ERC2: variants seen among roughly 807,000 people sequenced by gnomAD.
The protein encoded by ERC2 is ELKS/RAB6-interacting/CAST family member 2.
Under a neutral mutation model 114.8 loss-of-function variants are expected in ERC2, and 42 were observed. The ratio of observed to expected loss-of-function variants is 0.37; its 90% CI spans 0.29 to 0.47. The LOEUF (loss-of-function observed/expected upper bound fraction) is 0.47. Among genes scored for constraint, ERC2 ranks in the 20% least tolerant of loss-of-function variants. ERC2 has a pLI of 0.99. For synonymous variants in ERC2, 454 were observed against 425.5 expected, an observed-to-expected ratio of 1.07 and a Z score of -0.82; for missense variants, 939 against 1,150.7, an observed-to-expected ratio of 0.82 and a Z score of 2.66.
chr3:56,321,005 G>A (rs141963452), intron 2 of ERC2, among the ~76,000 whole-genome samples: 237 of 152,272 alleles, frequency 1.6e-3, no homozygotes, highest in African/African-American at 5.6e-3. Context: ...ATTGCCACAG[G>A]TCGCATGGTG....
chr3:56,134,924 T>TTTTTTGTTTTTGTTTTTG (rs202091525), intron 6 of ERC2, among the ~76,000 whole-genome samples: 5 of 149,010 alleles, frequency 3.4e-5, no homozygotes, highest in Non-Finnish European at 7.4e-5. Context: ...TTTTTTGTTT[T>TTTTTTGTTTTTGTTTTTG]TTTTTGTTTT....
At position 56,149,061 on chromosome 3, in the gene ERC2, A is replaced by G. The variant is rs777139484; in HGVS notation, c.1221T>C (p.Asn407=). Reference sequence around the variant, plus strand: ...CGCGGTCCTCAGTGTTCAGCACACCATTGGCTTTTAACATCTGGATCTCAT... The same window carrying G: ...CGCGGTCCTCAGTGTTCAGCACACCGTTGGCTTTTAACATCTGGATCTCAT... ...LEDEIQMLKA[N]GVLNTEDREE... The change falls in exon 5 of 18, where the codon AAT becomes AAC. Residue 407 remains asparagine, a synonymous_variant. Coordinates refer to ENST00000288221, the MANE Select transcript of ERC2 (RefSeq NM_015576.3). 137 of 1,613,258 alleles carry G rather than the reference A, an allele frequency of 8.5e-5. No individual in the cohort carries two copies. Among genetic ancestry groups the G allele is most frequent in the Non-Finnish European group, 1.1e-4 (131 of 1,179,576 alleles).
chr3:55,893,997 G>A (rs2063731231), intron 13 of ERC2, among the ~76,000 whole-genome samples: 1 of 152,102 alleles, frequency 6.6e-6, no homozygotes, highest in Admixed American at 6.5e-5. Flanking sequence ...TCTTAGTGCT[G>A]AGCCTGGCAA....
chr3:55,568,117 A>C lies in ERC2; in HGVS notation c.*40-56841T>G, dbSNP rs893628901. ...CAGTTGAATCTATATTCTGCTCATT[A>C]CAAGTGTATAGGCCTCACTAGCCAA... On this transcript the variant is annotated intron_variant, in intron 17 of 17. Coordinates refer to ENST00000288221, the MANE Select transcript of ERC2 (RefSeq NM_015576.3). Among the ~76,000 whole-genome samples, 5 of 152,336 alleles carry C rather than the reference A, an allele frequency of 3.3e-5. No individual in the cohort carries two copies. The South Asian group carries it at 6.2e-4, about 19-fold the overall frequency.
intron 14 of ERC2, among the ~76,000 whole-genome samples, chr3:55,866,372 C>T (rs954760426): frequency 2.0e-5 from 3 of 152,116 alleles, no homozygotes; most frequent in African/African-American, 7.2e-5. Context: ...CCCTTACAAG[C>T]CACATTTTGA....
At chr3:55,967,706 G>A (rs1221834365) in intron 12 of ERC2, among the ~76,000 whole-genome samples, 1 of 152,208 alleles carries the variant, frequency 6.6e-6, no homozygotes, top group East Asian at 1.9e-4. Context: ...ATGCAGCAAT[G>A]CTGGAAGGTG....
At chr3:55,787,459 G>A (rs962711630) in intron 14 of ERC2, among the ~76,000 whole-genome samples, 1 of 152,002 alleles carries the variant, frequency 6.6e-6, no homozygotes, top group Non-Finnish European at 1.5e-5. Flanking sequence ...TACCTAGTAG[G>A]GTTGTTATGA....
chr3:55,955,806 C>A (rs1305159699), intron 12 of ERC2, among the ~76,000 whole-genome samples: 1 of 152,220 alleles, frequency 6.6e-6, no homozygotes, highest in Non-Finnish European at 1.5e-5. Flanking sequence ...CCATGAAAGA[C>A]TATTTCTCAG....
Position 56,171,138 on chromosome 3 carries a change from A to G in ERC2, c.1149+2308T>C, listed in dbSNP as rs72870171. The stretch of plus-strand genomic sequence containing the variant: ...GATGTTTACCCAGGGCTAAAATACA[A>G]CAGGGTCTCAAGTTCCACTCACTAG... On this transcript the variant is annotated intron_variant, in intron 4 of 17. Coordinates refer to ENST00000288221, the MANE Select transcript of ERC2 (RefSeq NM_015576.3). Among the ~76,000 whole-genome samples the G allele has an allele frequency of 2.0e-5, 3 of 152,244 alleles. No individual in the cohort carries two copies. In the East Asian group the frequency reaches 5.8e-4, roughly 29 times the overall value.
At position 55,730,946 on chromosome 3, in the gene ERC2, C is replaced by T. The variant is rs113620820; in HGVS notation, c.2712+3825G>A. ...TGAGCAGGCCAGAAGGGTGGCCTTC[C>T]CCTTTCATTGGCCTGGTCCCTGAAA... On this transcript the variant is annotated intron_variant, in intron 15 of 17. Coordinates refer to ENST00000288221, the MANE Select transcript of ERC2 (RefSeq NM_015576.3). 1.3e-3 allele frequency among the ~76,000 whole-genome samples: 197 copies of T among 152,312 alleles called. 2 individuals carry two copies. Among genetic ancestry groups the T allele is most frequent in the African/African-American group, 4.7e-3 (194 of 41,566 alleles).
At chr3:56,232,023 T>C (rs1457997900) in intron 3 of ERC2, among the ~76,000 whole-genome samples, 1 of 151,646 alleles carries the variant, frequency 6.6e-6, no homozygotes, top group Non-Finnish European at 1.5e-5. Flanking sequence ...CAGGCTGGAG[T>C]GCAGTGGCAT....
At chr3:56,076,808 G>A (rs577286122) in intron 7 of ERC2, among the ~76,000 whole-genome samples, 12 of 152,130 alleles carry the variant, frequency 7.9e-5, no homozygotes, top group Non-Finnish European at 1.8e-4. Context: ...TCATGTCCAT[G>A]CCTGTCTACA....
intron 2 of ERC2, among the ~76,000 whole-genome samples, chr3:56,406,014 ACC>A (rs1478629991): frequency 7.2e-5 from 10 of 139,594 alleles, no homozygotes; most frequent in Admixed American, 2.3e-4. Flanking sequence ...TGTCTCAGCC[ACC>A]CTAGTGGCTG....
intron 14 of ERC2, among the ~76,000 whole-genome samples, chr3:55,834,584 A>C (rs1404672480): frequency 5.3e-5 from 8 of 151,376 alleles, no homozygotes; most frequent in African/African-American, 9.7e-5. Context: ...CACAACATAC[A>C]AGAATCTCTG....
chr3:55,870,746 G>A (rs1356026104), intron 14 of ERC2, among the ~76,000 whole-genome samples: 1 of 152,222 alleles, frequency 6.6e-6, no homozygotes, highest in Admixed American at 6.5e-5. Context: ...CAACGGATGA[G>A]ATTACAGAGC....
At chr3:56,072,871 C>G (rs1232543512) in intron 7 of ERC2, among the ~76,000 whole-genome samples, 1 of 152,090 alleles carries the variant, frequency 6.6e-6, no homozygotes, top group Admixed American at 6.6e-5. Flanking sequence ...TACATGTTCC[C>G]TGTACTACAC....
chr3:56,123,140 C>T (rs2079674397), intron 6 of ERC2, among the ~76,000 whole-genome samples: 1 of 152,148 alleles, frequency 6.6e-6, no homozygotes, highest in Non-Finnish European at 1.5e-5. Context: ...CTTCCCACAT[C>T]CTGACATCTG....
Position 56,175,048 on chromosome 3 carries a change from T to C in ERC2, c.1075-1528A>G, listed in dbSNP as rs1242034783. 3.3e-5 allele frequency among the ~76,000 whole-genome samples: 5 copies of C among 151,888 alleles called. No individual in the cohort carries two copies. The South Asian group carries it at 6.2e-4, about 19-fold the overall frequency. On this transcript the variant is annotated intron_variant, in intron 3 of 17. Transcript: ENST00000288221. Reference sequence around the variant, plus strand: ...AACACTCAAGACACACAATAAAAGATAGTCCTATCCAGGATAAGATAAGCA... The same window carrying C: ...AACACTCAAGACACACAATAAAAGACAGTCCTATCCAGGATAAGATAAGCA...
At chr3:55,697,244 C>G (rs890372018) in intron 16 of ERC2, among the ~76,000 whole-genome samples, 1 of 152,148 alleles carries the variant, frequency 6.6e-6, no homozygotes, top group African/African-American at 2.4e-5. Flanking sequence ...ACCCACTTCC[C>G]GGGCTCCAGA....
Sources: allele counts gnomAD v4.1 joint callset (sites outside exome capture counted in the v4.1 genomes callset), GRCh38; gene constraint gnomAD v4.1.1; transcripts MANE v1.5; gene names NCBI Gene and HGNC (gene_info 2026-07-23, HGNC 2026-07-21).